PDE7B: variants seen among roughly 807,000 people sequenced by gnomAD.
PDE7B encodes phosphodiesterase 7B.
Under a neutral mutation model 56.2 loss-of-function variants are expected in PDE7B, and 29 were observed. The observed-to-expected ratio is 0.52, with a 90% CI of 0.38 to 0.70. PDE7B has a LOEUF of 0.70. Among genes scored for constraint, PDE7B ranks in the 30% least tolerant of loss-of-function variants. The pLI, the probability that PDE7B is intolerant of heterozygous loss-of-function variation, is 0.00. For missense variants in PDE7B, 490 were observed against 565.0 expected, an observed-to-expected ratio of 0.87 and a Z score of 1.35; for synonymous variants, 197 against 196.9, an observed-to-expected ratio of 1.00 and a Z score of 0.00.
intron 1 of PDE7B, among the ~76,000 whole-genome samples, chr6:135,938,902 T>G (rs1438727826): frequency 1.3e-5 from 2 of 152,216 alleles, no homozygotes; most frequent in African/African-American, 4.8e-5. Flanking sequence ...AAATTACTCT[T>G]GGGCTGAAAG....
chr6:136,125,853 A>G (rs139531141), intron 3 of PDE7B, among the ~76,000 whole-genome samples: 9 of 152,214 alleles, frequency 5.9e-5, no homozygotes, highest in African/African-American at 2.2e-4. Flanking sequence ...CCCAGCAGAA[A>G]GACTTCTAAC....
intron 8 of PDE7B, among the ~76,000 whole-genome samples, chr6:136,164,542 A>G (rs989228238): frequency 1.3e-5 from 2 of 152,182 alleles, no homozygotes; most frequent in African/African-American, 2.4e-5. Context: ...ATTATTCTTG[A>G]GCATAATTAT....
chr6:136,010,738 G>A (rs1216505815), intron 2 of PDE7B, among the ~76,000 whole-genome samples: 1 of 152,088 alleles, frequency 6.6e-6, no homozygotes, highest in Admixed American at 6.6e-5. Context: ...GACACATGGG[G>A]ATTACAATTT....
intron 4 of PDE7B, among the ~76,000 whole-genome samples, chr6:136,148,356 A>AAAAAGAAAGAAGGAAAGAAAAG (rs1383752523): frequency 2.7e-5 from 4 of 150,900 alleles, no homozygotes; most frequent in Non-Finnish European, 1.5e-5. Context: ...ACCAGGTCTC[A>AAAAAGAAAGAAGGAAAGAAAAG]AAAAGAAAGA....
chr6:136,048,439 G>A (rs115472910), intron 2 of PDE7B, among the ~76,000 whole-genome samples: 215 of 152,174 alleles, frequency 1.4e-3, no homozygotes, highest in African/African-American at 5.0e-3. Flanking sequence ...GAGAATCCTC[G>A]AACCCAGGAG....
At chr6:136,155,567 T>C (rs1778589421) in intron 7 of PDE7B, 60 bp from the exon 8 acceptor site, 1 of 1,467,030 alleles carries the variant, frequency 6.8e-7, no homozygotes, top group Admixed American at 1.8e-5. Context: ...TTAGCCAAAA[T>C]GATTATGAGC....
intron 1 of PDE7B, among the ~76,000 whole-genome samples, chr6:135,938,966 G>A (rs13210580): frequency 2.5e-3 from 385 of 152,318 alleles, no homozygotes; most frequent in Non-Finnish European, 4.0e-3. Flanking sequence ...TTTAAAAATA[G>A]GGGTATGTAA....
At chr6:135,963,704 CT>C (rs11288982) in intron 2 of PDE7B, among the ~76,000 whole-genome samples, 60,965 of 151,994 alleles carry the variant, frequency 0.4, 12,448 homozygotes, top group Admixed American at 0.53. Flanking sequence ...CTGTTGGTAA[CT>C]TTTTTTAAAA....
intron 2 of PDE7B, among the ~76,000 whole-genome samples, chr6:135,990,779 G>A (rs1052237035): frequency 6.6e-6 from 1 of 152,168 alleles, no homozygotes; most frequent in Non-Finnish European, 1.5e-5. Flanking sequence ...CCCAAGAGAG[G>A]GTTCTTGGAT....
At chr6:136,107,510 G>C (rs891466049) in intron 2 of PDE7B, among the ~76,000 whole-genome samples, 4 of 152,182 alleles carry the variant, frequency 2.6e-5, no homozygotes, top group African/African-American at 4.8e-5. Context: ...ATGGAGAAAT[G>C]TAAATAACAT....
At chr6:136,138,043 C>A (rs1321750677) in intron 3 of PDE7B, among the ~76,000 whole-genome samples, 1 of 152,018 alleles carries the variant, frequency 6.6e-6, no homozygotes, top group Non-Finnish European at 1.5e-5. Flanking sequence ...AAAATCCAAA[C>A]AAAGGTGCAT....
chr6:135,929,788 A>C (rs1298214959), intron 1 of PDE7B, among the ~76,000 whole-genome samples: 1 of 152,168 alleles, frequency 6.6e-6, no homozygotes, highest in African/African-American at 2.4e-5. Context: ...AGAACAGTGG[A>C]GGTTCATGAA....
At chr6:136,141,503 C>T (rs1449376371) in intron 3 of PDE7B, among the ~76,000 whole-genome samples, 1 of 152,180 alleles carries the variant, frequency 6.6e-6, no homozygotes, top group Non-Finnish European at 1.5e-5. Context: ...GGAGGATTCC[C>T]TCTTTTTCTA....
chr6:136,144,264 A>C (rs1474826892), intron 3 of PDE7B, among the ~76,000 whole-genome samples: 1 of 152,106 alleles, frequency 6.6e-6, no homozygotes, highest in Non-Finnish European at 1.5e-5. Context: ...ATTTATCAAA[A>C]ATCTGCAAGA....
intron 12 of PDE7B, 80 bp from the exon 13 acceptor site, chr6:136,191,534 G>C: frequency 8.5e-7 from 1 of 1,178,152 alleles, no homozygotes; most frequent in Non-Finnish European, 1.2e-6. Context: ...GGGCGTGGTG[G>C]GTCCCCAGTC....
At chr6:136,134,654 G>T (rs181378642) in intron 3 of PDE7B, among the ~76,000 whole-genome samples, 6 of 132,508 alleles carry the variant, frequency 4.5e-5, no homozygotes, top group Non-Finnish European at 9.1e-5. Flanking sequence ...TTACAAAAAG[G>T]AAACAATAGT....
At chr6:136,169,267 C>T (rs1778844940) in intron 8 of PDE7B, among the ~76,000 whole-genome samples, 1 of 152,044 alleles carries the variant, frequency 6.6e-6, no homozygotes, top group Non-Finnish European at 1.5e-5. Context: ...CCATGGTGCC[C>T]CTATTTCCAC....
At chr6:136,150,131 A>C (rs1293448484) in intron 5 of PDE7B, among the ~76,000 whole-genome samples, 3 of 152,188 alleles carry the variant, frequency 2.0e-5, no homozygotes, top group Non-Finnish European at 2.9e-5. Context: ...TCTTTAACTC[A>C]ATTAATTAGA....
At chr6:135,931,714 T>C (rs186318700) in intron 1 of PDE7B, among the ~76,000 whole-genome samples, 1 of 152,278 alleles carries the variant, frequency 6.6e-6, no homozygotes, top group African/African-American at 2.4e-5. Context: ...AATTCCACAA[T>C]GATAGCACGG....
Sources: gnomAD v4.1 joint callset for allele counts (sites outside exome capture counted in the v4.1 genomes callset) on GRCh38, gnomAD v4.1.1 for gene constraint, MANE v1.5 for transcripts, NCBI Gene and HGNC (gene_info 2026-07-23, HGNC 2026-07-21) for gene names.